The following NKAIN3 variants were observed in gnomAD, a reference collection of about 807,000 sequenced individuals.
The protein encoded by NKAIN3 is sodium/potassium transporting ATPase interacting 3.
NKAIN3 carries 25 observed loss-of-function variants against 30.2 expected under a neutral mutation model. The observed-to-expected ratio is 0.83, with a 90% CI of 0.60 to 1.16. NKAIN3 has a LOEUF of 1.16. NKAIN3 is among the 50% of genes most tolerant of loss of function. NKAIN3 has a pLI of 0.00. For synonymous variants in NKAIN3, 91 were observed against 89.6 expected (o/e 1.02, Z -0.09); for missense variants, 225 against 254.1 (o/e 0.89, Z 0.78).
chr8:62,846,036 C>T (rs962321630), intron 4 of NKAIN3, among the ~76,000 whole-genome samples: 1 of 152,090 alleles, frequency 6.6e-6, no homozygotes, highest in African/African-American at 2.4e-5. Context: ...AACTTAATTG[C>T]TATCCATAAG....
At chr8:62,370,220 A>G (rs1051349484) in intron 1 of NKAIN3, among the ~76,000 whole-genome samples, 3 of 152,048 alleles carry the variant, frequency 2.0e-5, no homozygotes, top group Non-Finnish European at 4.4e-5. Context: ...GCTGAAGAAA[A>G]AAATAATAAC....
At chr8:62,850,810 T>G (rs1372824070) in intron 4 of NKAIN3, among the ~76,000 whole-genome samples, 1 of 152,166 alleles carries the variant, frequency 6.6e-6, no homozygotes, top group Non-Finnish European at 1.5e-5. Flanking sequence ...GTTCCATTGG[T>G]CTATATCTCT....
chr8:62,847,137 G>T (rs1819711983), intron 4 of NKAIN3, among the ~76,000 whole-genome samples: 1 of 152,102 alleles, frequency 6.6e-6, no homozygotes, highest in Non-Finnish European at 1.5e-5. Context: ...GAATGGTGCT[G>T]CAATGAACAC....
chr8:62,780,499 G>T (rs538640854), intron 4 of NKAIN3, among the ~76,000 whole-genome samples: 30 of 152,034 alleles, frequency 2.0e-4, no homozygotes, highest in East Asian at 9.7e-4. Flanking sequence ...AAAACTACAG[G>T]CCTATATCAC....
At chr8:62,599,841 C>T (rs1810939887) in intron 3 of NKAIN3, among the ~76,000 whole-genome samples, 1 of 152,048 alleles carries the variant, frequency 6.6e-6, no homozygotes, top group Non-Finnish European at 1.5e-5. Context: ...CTTTAAGCAT[C>T]TTTGGAAGTC....
intron 1 of NKAIN3, among the ~76,000 whole-genome samples, chr8:62,277,533 T>C (rs944999435): frequency 6.6e-5 from 10 of 152,188 alleles, no homozygotes; most frequent in African/African-American, 2.2e-4. Context: ...CATTATCCTT[T>C]ATACAACATA....
chr8:62,381,257 T>C (rs751426868), intron 1 of NKAIN3, among the ~76,000 whole-genome samples: 3 of 152,176 alleles, frequency 2.0e-5, no homozygotes, highest in Non-Finnish European at 4.4e-5. Context: ...TGTTTTTTCT[T>C]TGTATGAAGA....
chr8:62,551,849 C>G (rs1301374052), intron 1 of NKAIN3, among the ~76,000 whole-genome samples: 5 of 152,150 alleles, frequency 3.3e-5, no homozygotes, highest in African/African-American at 9.7e-5. Context: ...TTTACTTATC[C>G]TGCTTCTTTG....
At position 62,870,845 on chromosome 8, in the gene NKAIN3, T is replaced by A. The variant is rs145894657; in HGVS notation, c.472-47608T>A. Among the ~76,000 whole-genome samples, 875 of 147,012 alleles carry A rather than the reference T, an allele frequency of 6.0e-3. 6 individuals are homozygous for A. The highest frequency in any genetic ancestry group is 0.021 in the African/African-American group (831 of 39,646). ...ATATAAGGACTTTTAAAGAAATAGA[T>A]GTGCATTAGAGATGAGAAAGAATGG... On this transcript the variant is annotated intron_variant, in intron 4 of 6. Coordinates refer to ENST00000623646, the MANE Select transcript of NKAIN3 (RefSeq NM_001304533.3).
intron 1 of NKAIN3, among the ~76,000 whole-genome samples, chr8:62,429,544 G>T (rs909655714): frequency 4.0e-5 from 6 of 151,880 alleles, no homozygotes; most frequent in African/African-American, 1.5e-4. Context: ...ACTGATATTG[G>T]CCTATAGTTT....
chr8:62,804,454 G>A (rs184692149), intron 4 of NKAIN3, among the ~76,000 whole-genome samples: 44 of 152,264 alleles, frequency 2.9e-4, no homozygotes, highest in Middle Eastern at 6.8e-3. Context: ...TATCCACCAC[G>A]ATCAAGTGGA....
At chr8:62,359,862 G>A (rs376004737) in intron 1 of NKAIN3, among the ~76,000 whole-genome samples, 4 of 152,294 alleles carry the variant, frequency 2.6e-5, no homozygotes, top group African/African-American at 9.6e-5. Flanking sequence ...TGTGTAAAAA[G>A]TAGATGGAAA....
chr8:62,820,519 A>G (rs1586234686), intron 4 of NKAIN3, among the ~76,000 whole-genome samples: 2 of 152,240 alleles, frequency 1.3e-5, no homozygotes, highest in South Asian at 4.1e-4. Flanking sequence ...AGTATTAGAC[A>G]TGTTAATCAT....
chr8:62,276,537 AGAT>A (rs1812969487), intron 1 of NKAIN3, among the ~76,000 whole-genome samples: 1 of 152,204 alleles, frequency 6.6e-6, no homozygotes, highest in South Asian at 2.1e-4. Flanking sequence ...CGAAAATGAG[AGAT>A]GATGTTCTAT....
intron 1 of NKAIN3, among the ~76,000 whole-genome samples, chr8:62,310,845 G>A (rs1814404492): frequency 6.7e-6 from 1 of 150,354 alleles, no homozygotes; most frequent in Non-Finnish European, 1.5e-5. Context: ...GAGGCTGAGA[G>A]TACATGTGGG....
At chr8:62,299,859 C>T (rs1164422288) in intron 1 of NKAIN3, among the ~76,000 whole-genome samples, 3 of 152,030 alleles carry the variant, frequency 2.0e-5, no homozygotes, top group Admixed American at 6.6e-5. Context: ...AAAAAGAACA[C>T]AGTATTTTGT....
At chr8:62,485,621 A>G (rs540152514) in intron 1 of NKAIN3, among the ~76,000 whole-genome samples, 2 of 152,328 alleles carry the variant, frequency 1.3e-5, no homozygotes, top group Admixed American at 1.3e-4. Flanking sequence ...ACTGAATGCA[A>G]CACAACTTTG....
chr8:62,855,782 T>C (rs1218338904), intron 4 of NKAIN3: 2 of 1,085,584 alleles, frequency 1.8e-6, no homozygotes, highest in East Asian at 2.4e-5. Flanking sequence ...GCATCTTCCT[T>C]TTATCATCAG....
chr8:62,900,657 A>T (rs913030324), intron 4 of NKAIN3, among the ~76,000 whole-genome samples: 1 of 152,072 alleles, frequency 6.6e-6, no homozygotes, highest in Non-Finnish European at 1.5e-5. Flanking sequence ...GTATCCAACT[A>T]AACCCTGTGC....
Sources: allele counts gnomAD v4.1 joint callset (sites outside exome capture counted in the v4.1 genomes callset), GRCh38; gene constraint gnomAD v4.1.1; transcripts MANE v1.5; gene names NCBI Gene and HGNC (gene_info 2026-07-23, HGNC 2026-07-21).